The following LRRIQ3 variants were observed in gnomAD, a reference collection of about 807,000 sequenced individuals.
The protein encoded by LRRIQ3 is leucine-rich repeat and IQ domain-containing protein 3.
A neutral mutation model predicts 59.3 loss-of-function variants in LRRIQ3; 75 were observed. The observed-to-expected ratio is 1.26, with a 90% CI of 1.05 to 1.53. LRRIQ3 has a LOEUF of 1.53. Ranked by LOEUF, LRRIQ3 falls within the 40% of genes most tolerant of loss-of-function variation. LRRIQ3 has a pLI of 0.00. For synonymous variants in LRRIQ3, 250 were observed against 231.3 expected (o/e 1.08, Z -0.73); for missense variants, 831 against 710.0 (o/e 1.17, Z -1.94).
chr1:74,190,900 A>T (rs1650723190), intron 1 of LRRIQ3, among the ~76,000 whole-genome samples: 1 of 152,132 alleles, frequency 6.6e-6, no homozygotes, highest in Non-Finnish European at 1.5e-5. Flanking sequence ...AAACTCACTG[A>T]CCTAGAATTT....
chr1:74,175,877 G>T (rs568810621), intron 3 of LRRIQ3, among the ~76,000 whole-genome samples: 10 of 152,260 alleles, frequency 6.6e-5, no homozygotes, highest in African/African-American at 2.2e-4. Context: ...CAGATCAGGT[G>T]AAGTATGGAA....
intron 5 of LRRIQ3, chr1:74,078,697 T>C (rs898455250): frequency 2.0e-5 from 3 of 151,794 alleles, no homozygotes; most frequent in East Asian, 3.9e-4. Context: ...GGAAAACATA[T>C]CTTCAGATGA....
At chr1:74,153,786 TAGAA>T (rs139665874) in intron 4 of LRRIQ3, among the ~76,000 whole-genome samples, 14,258 of 152,116 alleles carry the variant, frequency 0.094, 682 homozygotes, top group Middle Eastern at 0.13. Flanking sequence ...CCTAAACAAA[TAGAA>T]AGCCACTGGA....
chr1:74,123,871 G>A (rs982228370), intron 4 of LRRIQ3, among the ~76,000 whole-genome samples: 2 of 151,894 alleles, frequency 1.3e-5, no homozygotes, highest in African/African-American at 4.8e-5. Context: ...GATATTTGAG[G>A]AACATCCAAG....
intron 4 of LRRIQ3, among the ~76,000 whole-genome samples, chr1:74,115,701 C>T (rs888918815): frequency 8.6e-5 from 13 of 151,982 alleles, no homozygotes; most frequent in Admixed American, 1.3e-4. Flanking sequence ...CAGATTTACT[C>T]TAATTTTCCA....
At chr1:74,081,904 T>C (rs1646276955) in intron 5 of LRRIQ3, 1 of 151,562 alleles carries the variant, frequency 6.6e-6, no homozygotes. Flanking sequence ...ATCATAGTTA[T>C]GTCCATTGCT....
rs796343419 is a variant in LRRIQ3 at position 74,026,584 on chromosome 1, C to A, written c.*229G>T. On this transcript the variant is annotated 3_prime_UTR_variant, in exon 8 of 8. Transcript: ENST00000354431. ...ATACATTAAATCAGTTTAATTGTTC[C>A]TTAGGCATCTGATCTAAGAAATTTT... 2.1e-5 allele frequency: 8 copies of A among 374,646 alleles called. No homozygotes were observed. Among genetic ancestry groups the A allele is most frequent in the African/African-American group, 1.5e-4 (7 of 47,118 alleles). 23.2% of individuals were successfully genotyped at this position (374,646 alleles called of 1,614,324 possible). A position where few individuals can be genotyped will look rare whatever the true frequency, so the allele number is the denominator to read the frequency against.
At chr1:74,165,520 A>G (rs542958161) in intron 3 of LRRIQ3, among the ~76,000 whole-genome samples, 5 of 151,684 alleles carry the variant, frequency 3.3e-5, no homozygotes, top group Middle Eastern at 3.4e-3. Flanking sequence ...ATAGGTGATC[A>G]TTTGATCTGC....
At chr1:74,069,193 T>C (rs760376902) in intron 6 of LRRIQ3, among the ~76,000 whole-genome samples, 4 of 152,018 alleles carry the variant, frequency 2.6e-5, no homozygotes, top group South Asian at 2.1e-4. Context: ...TGAATTTACT[T>C]CTTTACAACT....
intron 4 of LRRIQ3, among the ~76,000 whole-genome samples, chr1:74,131,527 A>G (rs1389988846): frequency 1.3e-5 from 2 of 152,214 alleles, no homozygotes; most frequent in Non-Finnish European, 2.9e-5. Flanking sequence ...CTTATCCACC[A>G]TGATCAAGTG....
intron 4 of LRRIQ3, among the ~76,000 whole-genome samples, chr1:74,153,441 A>C (rs1648110928): frequency 6.6e-6 from 1 of 152,280 alleles, no homozygotes; most frequent in Non-Finnish European, 1.5e-5. Flanking sequence ...GGTTGTGGGA[A>C]TCTATAGTTG....
At chr1:74,043,923 G>A (rs954423016) in intron 6 of LRRIQ3, among the ~76,000 whole-genome samples, 1 of 151,888 alleles carries the variant, frequency 6.6e-6, no homozygotes, top group Admixed American at 6.6e-5. Flanking sequence ...ATTATTTTAA[G>A]TTTTGCTCAG....
At chr1:74,128,589 T>C (rs965131649) in intron 4 of LRRIQ3, among the ~76,000 whole-genome samples, 2 of 152,102 alleles carry the variant, frequency 1.3e-5, no homozygotes, top group African/African-American at 4.8e-5. Context: ...TCAACAGGAT[T>C]AGTCCCTGGT....
At chr1:74,114,513 G>A (rs1188681090) in intron 4 of LRRIQ3, among the ~76,000 whole-genome samples, 1 of 152,038 alleles carries the variant, frequency 6.6e-6, no homozygotes, top group Non-Finnish European at 1.5e-5. Flanking sequence ...GAGGTGGGTA[G>A]ATCATGAGGT....
intron 5 of LRRIQ3, among the ~76,000 whole-genome samples, chr1:74,086,964 T>A (rs139711208): frequency 1.6e-4 from 24 of 152,250 alleles, no homozygotes; most frequent in Middle Eastern, 3.4e-3. Flanking sequence ...GGCTGACAGG[T>A]GTAAGAACTT....
At chr1:74,124,926 T>C (rs548095245) in intron 4 of LRRIQ3, among the ~76,000 whole-genome samples, 14 of 152,134 alleles carry the variant, frequency 9.2e-5, no homozygotes, top group African/African-American at 1.7e-4. Flanking sequence ...AGGGATTGCA[T>C]TGAATCTATA....
At chr1:74,130,193 T>A (rs928976233) in intron 4 of LRRIQ3, among the ~76,000 whole-genome samples, 3 of 151,996 alleles carry the variant, frequency 2.0e-5, no homozygotes, top group African/African-American at 7.2e-5. Context: ...GACTTTGTGG[T>A]CTAGACTGCC....
chr1:74,098,619 T>A (rs2100534732), intron 5 of LRRIQ3, among the ~76,000 whole-genome samples: 1 of 152,240 alleles, frequency 6.6e-6, no homozygotes, highest in Admixed American at 6.5e-5. Flanking sequence ...CAGTACCACA[T>A]CTCACTTATT....
chr1:74,108,339 T>C (rs1276787336), intron 5 of LRRIQ3, among the ~76,000 whole-genome samples: 1 of 151,826 alleles, frequency 6.6e-6, no homozygotes, highest in Non-Finnish European at 1.5e-5. Context: ...AATTTTATAA[T>C]ACACACTATC....
Sources: allele counts gnomAD v4.1 joint callset (sites outside exome capture counted in the v4.1 genomes callset), GRCh38; gene constraint gnomAD v4.1.1; transcripts MANE v1.5; gene names NCBI Gene and HGNC (gene_info 2026-07-23, HGNC 2026-07-21).